C4orf54: variants seen among roughly 807,000 people sequenced by gnomAD.
C4orf54 encodes chromosome 4 open reading frame 54.
In C4orf54, 67 loss-of-function variants were observed where a neutral mutation model predicts 80.1. That is an observed-to-expected ratio of 0.84 (90% confidence interval 0.69 to 1.03). The LOEUF (loss-of-function observed/expected upper bound fraction) is 1.03. Ranked by LOEUF, C4orf54 falls within the 50% of genes least tolerant of loss-of-function variation. C4orf54 has a pLI of 0.00. For synonymous variants in C4orf54, 1,000 were observed against 917.0 expected (o/e 1.09, Z -1.64); for missense variants, 2,434 against 2,253.5 (o/e 1.08, Z -1.62).
chr4:99,644,581 T>C (rs1387812278), intron 2 of C4orf54, among the ~76,000 whole-genome samples: 4 of 152,126 alleles, frequency 2.6e-5, no homozygotes, highest in Admixed American at 2.6e-4. Flanking sequence ...GTCTAGGTTA[T>C]AGCCTGCAGA....
chr4:99,639,253 C>A lies in C4orf54; in HGVS notation c.*1980G>T, dbSNP rs1024773032. 6.6e-6 allele frequency: 1 copy of A among 152,102 alleles called. No homozygotes were observed. Among genetic ancestry groups the A allele is most frequent in the South Asian group, 2.1e-4 (1 of 4,818 alleles). 9.4% of individuals were successfully genotyped at this position (152,102 alleles called of 1,614,324 possible). A position where few individuals can be genotyped will look rare whatever the true frequency, so the allele number is the denominator to read the frequency against. On this transcript the variant is annotated 3_prime_UTR_variant, in exon 3 of 3. Coordinates refer to ENST00000511828, the MANE Select transcript of C4orf54 (RefSeq NM_001354435.2). ...AGGTTTCACCAGGTGTATTCAAATA[C>A]TGGAGGTTTCTTGGTGCTGCTTTCA...
At chr4:99,656,005 A>G (rs1726972471) in intron 1 of C4orf54, among the ~76,000 whole-genome samples, 1 of 152,180 alleles carries the variant, frequency 6.6e-6, no homozygotes, top group Non-Finnish European at 1.5e-5. Flanking sequence ...CTACCTTCTC[A>G]TACTTGGGCT....
intron 2 of C4orf54, among the ~76,000 whole-genome samples, chr4:99,645,574 ATTAAAATC>A (rs1442644398): frequency 6.6e-6 from 1 of 152,006 alleles, no homozygotes; most frequent in African/African-American, 2.4e-5. Context: ...TCAAGTCCCA[ATTAAAATC>A]TTAAAACAAA....
chr4:99,636,694 T>C lies in C4orf54; in HGVS notation c.*4539A>G, dbSNP rs2110244500. On this transcript the variant is annotated 3_prime_UTR_variant, in exon 3 of 3. Coordinates refer to ENST00000511828, the MANE Select transcript of C4orf54 (RefSeq NM_001354435.2). The stretch of plus-strand genomic sequence containing the variant: ...CAGAATCCTTGTCTAAATAGTTTAC[T>C]CCATATTCAATGCACTGAAAATGTG... 6.6e-6 allele frequency: 1 copy of C among 152,318 alleles called. No individual in the cohort carries two copies. The highest frequency in any genetic ancestry group is 2.1e-4 in the South Asian group (1 of 4,830). The allele number at this position is 152,318 out of a possible 1,614,324, so 9.4% of individuals were successfully genotyped here.
In C4orf54 at chr4:99,650,627, T is replaced by C. The variant is rs1426157038; in HGVS notation, c.4022A>G (p.Gln1341Arg). 3 of 1,535,952 alleles carry C rather than the reference T, an allele frequency of 2.0e-6. No individual in the cohort carries two copies. Among genetic ancestry groups the C allele is most frequent in the Middle Eastern group, 1.7e-4 (1 of 6,012 alleles). The part of the protein sequence containing the change: ...VLRGAPIERL[Q>R]RRNSNPSAES... The stretch of plus-strand genomic sequence containing the variant: ...AGCGCTGGGGTTGGAGTTTCTCCGC[T>C]GCAGACGTTCTATGGGGGCCCCTCG... The change falls in exon 2 of 3, where the codon CAG becomes CGG. Residue 1341 changes from glutamine to arginine, a missense_variant. Coordinates refer to ENST00000511828, the MANE Select transcript of C4orf54 (RefSeq NM_001354435.2).
chr4:99,649,406 T>C lies in C4orf54; in HGVS notation c.5243A>G (p.Gln1748Arg). Reference sequence around the variant, plus strand: ...GGCAAAGGCCTTGGCCCCTAGGAGCTGGGATGTGGCTGCTGGGGCTGAGGA... The same window carrying C: ...GGCAAAGGCCTTGGCCCCTAGGAGCCGGGATGTGGCTGCTGGGGCTGAGGA... ...STSSAPAATS[Q>R]LLGAKAFAQL... The change falls in exon 2 of 3, where the codon CAG (glutamine) becomes CGG (arginine). Residue 1748 changes from glutamine (Q) to arginine (R), a missense_variant. By Grantham distance (43) the Gln-to-Arg change is conservative (BLOSUM62 1). Coordinates refer to ENST00000511828, the MANE Select transcript of C4orf54 (RefSeq NM_001354435.2). The C allele has an allele frequency of 6.5e-7, 1 of 1,536,130 alleles. No homozygotes were observed. Among genetic ancestry groups the C allele is most frequent in the Non-Finnish European group, 8.7e-7 (1 of 1,146,890 alleles).
At position 99,651,547 on chromosome 4, in the gene C4orf54, C is replaced by A. The variant is rs1726827640; in HGVS notation, c.3102G>T (p.Gly1034=). The change falls in exon 2 of 3, where the codon GGG becomes GGT. Residue 1034 remains glycine (G), a synonymous_variant. Transcript: ENST00000511828. ...PKAPEIKIRL[G]SVQQPSSDFN... ...AGTCTGAGCTCGGCTGCTGCACACT[C>A]CCCAGCCGGATCTTGATTTCGGGAG... 6.5e-7 allele frequency: 1 copy of A among 1,536,146 alleles called. No individual in the cohort carries two copies. The highest frequency in any genetic ancestry group is 8.7e-7 in the Non-Finnish European group (1 of 1,146,906).
rs1478592948 is a variant in C4orf54 at position 99,640,201 on chromosome 4, C to A, written c.*1032G>T. On this transcript the variant is annotated 3_prime_UTR_variant, in exon 3 of 3. Coordinates refer to ENST00000511828, the MANE Select transcript of C4orf54 (RefSeq NM_001354435.2). The stretch of plus-strand genomic sequence containing the variant: ...ATTCTGTGATTTGGATTCTTGACAT[C>A]TCTTCAAACCTGCCTCATCCTCATA... The A allele has an allele frequency of 2.0e-5, 3 of 152,122 alleles. No individual in the cohort carries two copies. The highest frequency in any genetic ancestry group is 7.2e-5 in the African/African-American group (3 of 41,438). The allele number at this position is 152,122 out of a possible 1,614,324, so 9.4% of individuals were successfully genotyped here. A position where few individuals can be genotyped will look rare whatever the true frequency, so the allele number is the denominator to read the frequency against.
At position 99,653,917 on chromosome 4, in the gene C4orf54, C is replaced by G. The variant is rs1178213734; in HGVS notation, c.732G>C (p.Gln244His). 1.1e-5 allele frequency: 17 copies of G among 1,536,120 alleles called. No individual in the cohort carries two copies. The highest frequency in any genetic ancestry group is 2.4e-5 in the South Asian group (2 of 84,054). The change falls in exon 2 of 3, where the codon CAG becomes CAC. Residue 244 changes from glutamine (Q) to histidine (H), a missense_variant. Coordinates refer to ENST00000511828, the MANE Select transcript of C4orf54 (RefSeq NM_001354435.2). ...DEPSSKTPSP[Q>H]NNPASSQLSR... ...AGAGTTGGGAGGAGGCAGGATTGTT[C>G]TGGGGGCTTGGAGTCTTGCTGCTGG... is the stretch of plus-strand genomic sequence containing the variant.
At position 99,652,453 on chromosome 4, in the gene C4orf54, C is replaced by G. The variant is rs2110255676; in HGVS notation, c.2196G>C (p.Glu732Asp). Residue 732 changes from glutamate to aspartate, a missense_variant, in exon 2 of 3, where the codon GAG becomes GAC. Coordinates refer to ENST00000511828, the MANE Select transcript of C4orf54 (RefSeq NM_001354435.2). ...CCTGCTTCTGGAAACACAGGGGCGT[C>G]TCCACATGTTTGATTTCCCCCTCGA... Reference protein sequence around the residue: ...SKVEGEIKHVETPLCFQKQVQ... With the variant: ...SKVEGEIKHVDTPLCFQKQVQ... The G allele has an allele frequency of 2.0e-6, 3 of 1,536,030 alleles. No individual in the cohort carries two copies. In the South Asian group the frequency reaches 3.6e-5, roughly 18 times the overall value.
In C4orf54 at chr4:99,653,274, G is replaced by T; in HGVS notation, c.1375C>A (p.Arg459Ser). ...GTGCTGCTGGTGTCGCGGCCACTGC[G>T]GCCTGCATTGGGGCGGGCCAGGTCG... is the stretch of plus-strand genomic sequence containing the variant. ...SSDLARPNAGRSGRDTSSTEV... is the reference protein window; with the variant it reads ...SSDLARPNAGSSGRDTSSTEV... The change falls in exon 2 of 3, where the codon CGC becomes AGC. Residue 459 changes from arginine (R) to serine (S), a missense_variant. Arg to Ser is a moderately radical substitution (Grantham distance 110, BLOSUM62 -1). Coordinates refer to ENST00000511828, the MANE Select transcript of C4orf54 (RefSeq NM_001354435.2). 1 of 1,530,498 alleles carries T rather than the reference G, an allele frequency of 6.5e-7. No homozygotes were observed. The highest frequency in any genetic ancestry group is 1.2e-5 in the South Asian group (1 of 83,360). The allele number at this position is 1,530,498 out of a possible 1,614,324, so 94.8% of individuals were successfully genotyped here. A position where few individuals can be genotyped will look rare whatever the true frequency, so the allele number is the denominator to read the frequency against.
rs1311452864 is a variant in C4orf54, at chr4:99,653,130, C to T, written c.1519G>A (p.Ala507Thr). ...TPEAASGAAA[A>T]AASSCGSAAS... ...GCACTCCCACAGCTGCTTGCGGCGG[C>T]GGCTGCTGCCCCTGAAGCTGCCTCC... The change falls in exon 2 of 3, where the codon GCC becomes ACC. Residue 507 changes from alanine (A) to threonine (T), a missense_variant. Physicochemically the swap from Ala to Thr is moderately conservative, Grantham distance 58 (BLOSUM62 0). Transcript: ENST00000511828. 1.3e-6 allele frequency: 2 copies of T among 1,536,166 alleles called. No individual in the cohort carries two copies. Among genetic ancestry groups the T allele is most frequent in the East Asian group, 2.4e-5 (1 of 40,896 alleles).
chr4:99,652,653 C>G lies in C4orf54; in HGVS notation c.1996G>C (p.Asp666His). The change falls in exon 2 of 3, where the codon GAC becomes CAC. Residue 666 changes from aspartate to histidine, a missense_variant. By Grantham distance (81) the Asp-to-His change is moderately conservative. Coordinates refer to ENST00000511828, the MANE Select transcript of C4orf54 (RefSeq NM_001354435.2). ...VGFGRWSTFL[D>H]LKCGGVGARV... ...GCCCCAACACCCCCACATTTTAAGT[C>G]CAGGAAAGTTGACCAGCGCCCAAAG... is the stretch of plus-strand genomic sequence containing the variant. 1 of 1,536,030 alleles carries G rather than the reference C, an allele frequency of 6.5e-7. No individual in the cohort carries two copies. The highest frequency in any genetic ancestry group is 8.7e-7 in the Non-Finnish European group (1 of 1,146,880).
rs2110246303 is a variant in C4orf54 at position 99,639,727 on chromosome 4, T to C, written c.*1506A>G. The C allele has an allele frequency of 1.3e-5, 2 of 152,188 alleles. No homozygotes were observed. Among genetic ancestry groups the C allele is most frequent in the South Asian group, 4.1e-4 (2 of 4,824 alleles). 9.4% of individuals were successfully genotyped at this position (152,188 alleles called of 1,614,324 possible). ...TTAAGTCTTTTTTAAGAGTCTGAGA[T>C]GGGAAGCATAACTACAAAGTAAAAA... On this transcript the variant is annotated 3_prime_UTR_variant, in exon 3 of 3. Coordinates refer to ENST00000511828, the MANE Select transcript of C4orf54 (RefSeq NM_001354435.2).
Position 99,651,635 on chromosome 4 carries a change from C to T in C4orf54, c.3014G>A (p.Arg1005Lys), listed in dbSNP as rs181798670. ...IQQTPKDKQP[R>K]KQATKYPAAQ... Reference sequence around the variant, plus strand: ...AGCAGGGTACTTGGTGGCCTGCTTCCTCGGCTGCTTGTCCTTGGGTGTCTG... The same window carrying T: ...AGCAGGGTACTTGGTGGCCTGCTTCTTCGGCTGCTTGTCCTTGGGTGTCTG... Residue 1005 changes from arginine (R) to lysine (K), a missense_variant, in exon 2 of 3, where the codon AGG becomes AAG. By Grantham distance (26) the Arg-to-Lys change is conservative. Coordinates refer to ENST00000511828, the MANE Select transcript of C4orf54 (RefSeq NM_001354435.2). 3.4e-4 allele frequency: 521 copies of T among 1,536,106 alleles called. 2 individuals carry two copies. In the African/African-American group the frequency reaches 6.0e-3, roughly 18 times the overall value.
chr4:99,656,086 C>T (rs1420700321), intron 1 of C4orf54, among the ~76,000 whole-genome samples: 2 of 151,910 alleles, frequency 1.3e-5, no homozygotes, highest in Non-Finnish European at 2.9e-5. Context: ...AAAAGTATGA[C>T]TTAAGGCAAG....
rs1307573708 is a variant in C4orf54 at position 99,637,814 on chromosome 4, G to C, written c.*3419C>G. 2 of 152,034 alleles carry C rather than the reference G, an allele frequency of 1.3e-5. No homozygotes were observed. The allele number at this position is 152,034 out of a possible 1,614,324, so 9.4% of individuals were successfully genotyped here. ...TAAACTGTAGAATGAAACTCCTCAA[G>C]CACCACATAAGAAAATGTATACCAT... On this transcript the variant is annotated 3_prime_UTR_variant, in exon 3 of 3. Transcript: ENST00000511828.
rs12641768 is a variant in C4orf54 at position 99,637,437 on chromosome 4, C to G, written c.*3796G>C. Reference sequence around the variant, plus strand: ...GGACATGTTTTTTTCCCAGAGGACCCGAGTCTGCAATTCTGATTAGATTCA... The same window carrying G: ...GGACATGTTTTTTTCCCAGAGGACCGGAGTCTGCAATTCTGATTAGATTCA... On this transcript the variant is annotated 3_prime_UTR_variant, in exon 3 of 3. Transcript: ENST00000511828. 6.6e-6 allele frequency: 1 copy of G among 151,834 alleles called. No homozygotes were observed. Among genetic ancestry groups the G allele is most frequent in the Non-Finnish European group, 1.5e-5 (1 of 67,940 alleles). 9.4% of individuals were successfully genotyped at this position (151,834 alleles called of 1,614,324 possible).
chr4:99,652,894 A>T lies in C4orf54; in HGVS notation c.1755T>A (p.Ala585=). Residue 585 remains alanine (A), a synonymous_variant, in exon 2 of 3, where the codon GCT becomes GCA. Transcript: ENST00000511828. ...ACCTGGTTTGCAGGCGAGCAGGTAC[A>T]GCAATGAATTTCTTTGCATGGTCCT... ...VAQDHAKKFI[A]VPARLQTRCG... is the part of the protein sequence containing the mutation. The T allele has an allele frequency of 6.5e-7, 1 of 1,536,150 alleles. No homozygotes were observed. The highest frequency in any genetic ancestry group is 1.4e-5 in the African/African-American group (1 of 73,164).
Sources: gnomAD v4.1 joint callset for allele counts (sites outside exome capture counted in the v4.1 genomes callset) on GRCh38, gnomAD v4.1.1 for gene constraint, MANE v1.5 for transcripts, NCBI Gene and HGNC (gene_info 2026-07-23, HGNC 2026-07-21) for gene names.